Variants in RABEP1 observed in about 807,000 individuals in gnomAD.
RABEP1 encodes rab GTPase-binding effector protein 1.
A neutral mutation model predicts 123.4 loss-of-function variants in RABEP1; 51 were observed. The ratio of observed to expected loss-of-function variants is 0.41; its 90% CI spans 0.33 to 0.52. RABEP1 has a LOEUF of 0.52. RABEP1 is among the 20% of genes least tolerant of loss of function. The pLI is 0.16. For synonymous variants in RABEP1, 347 were observed against 355.2 expected, an observed-to-expected ratio of 0.98 and a Z score of 0.26; for missense variants, 888 against 996.3, an observed-to-expected ratio of 0.89 and a Z score of 1.46.
At chr17:5,312,247 C>T (rs1051833841) in intron 2 of RABEP1, among the ~76,000 whole-genome samples, 2 of 152,214 alleles carry the variant, frequency 1.3e-5, no homozygotes, top group Non-Finnish European at 2.9e-5. Flanking sequence ...CCCCACGGTT[C>T]AAGTGATTCT....
At chr17:5,291,731 A>T (rs1235745207) in intron 1 of RABEP1, among the ~76,000 whole-genome samples, 3 of 152,064 alleles carry the variant, frequency 2.0e-5, no homozygotes, top group African/African-American at 7.2e-5. Context: ...ACATGGCGAA[A>T]TTCCGTTTCT....
At chr17:5,350,749 A>G (rs1209780537) in intron 7 of RABEP1, 120 bp downstream of exon 7, 9 of 1,083,390 alleles carry the variant, frequency 8.3e-6, no homozygotes, top group Non-Finnish European at 1.2e-5. Context: ...TAAAGGTGAT[A>G]TGTGCCACTT....
chr17:5,282,391 C>A lies in RABEP1; in HGVS notation c.-96C>A. On this transcript the variant is annotated 5_prime_UTR_variant, in exon 1 of 18. Transcript: ENST00000537505. ...GTTTCTCTCTGGGCGGCGGCGGCGG[C>A]GGCTCGGTTGACGCCTCCTCCGCCA... The A allele has an allele frequency of 9.9e-7, 1 of 1,005,314 alleles. No individual in the cohort carries two copies. The highest frequency in any genetic ancestry group is 1.7e-5 in the African/African-American group (1 of 59,014). The allele number at this position is 1,005,314 out of a possible 1,614,324, so 62.3% of individuals were successfully genotyped here. A position where few individuals can be genotyped will look rare whatever the true frequency, so the allele number is the denominator to read the frequency against.
At chr17:5,288,914 C>T (rs190986268) in intron 1 of RABEP1, among the ~76,000 whole-genome samples, 9 of 152,040 alleles carry the variant, frequency 5.9e-5, no homozygotes, top group Non-Finnish European at 1.2e-4. Flanking sequence ...CCATGTTGGC[C>T]GGGCTGGTCT....
At chr17:5,377,350 A>C (rs1448330276) in intron 14 of RABEP1, 45 bp downstream of exon 14, 11 of 1,478,382 alleles carry the variant, frequency 7.4e-6, no homozygotes, top group Non-Finnish European at 1.0e-5. Context: ...TCACTAAATA[A>C]AACTTTAGTA....
intron 2 of RABEP1, among the ~76,000 whole-genome samples, chr17:5,310,379 A>G (rs1447612157): frequency 7.1e-6 from 1 of 140,550 alleles, no homozygotes; most frequent in East Asian, 2.1e-4. Context: ...CAGTGGCACT[A>G]TCTCAGCTCA....
chr17:5,302,591 C>CT (rs546960637), intron 1 of RABEP1, among the ~76,000 whole-genome samples: 6,864 of 123,364 alleles, frequency 0.056, 358 homozygotes, highest in African/African-American at 0.095. Flanking sequence ...ATTTTTTAGA[C>CT]TTTTTTTTTT....
chr17:5,285,023 A>G lies in RABEP1; in HGVS notation c.34+2503A>G, dbSNP rs375857062. Among the ~76,000 whole-genome samples the G allele has an allele frequency of 1.0e-3, 152 of 152,206 alleles. 6 individuals are homozygous for G. The South Asian group carries it at 0.031, about 31-fold the overall frequency. On this transcript the variant is annotated intron_variant, in intron 1 of 17. Transcript: ENST00000537505. Reference sequence around the variant, plus strand: ...GTTTTTCATGGCCATATGGTAGATTAGGAAAATCGATTTGTGTGTAAATCG... The same window carrying G: ...GTTTTTCATGGCCATATGGTAGATTGGGAAAATCGATTTGTGTGTAAATCG...
chr17:5,330,958 A>G (rs555797460), intron 2 of RABEP1, among the ~76,000 whole-genome samples: 2 of 141,514 alleles, frequency 1.4e-5, no homozygotes, highest in Admixed American at 7.2e-5. Context: ...CAGGAATTTG[A>G]GGTTATAGTG....
At chr17:5,331,043 TTTTTTTTTTTTTA>T (rs1423620719) in intron 2 of RABEP1, among the ~76,000 whole-genome samples, 2,588 of 123,434 alleles carry the variant, frequency 0.021, 90 homozygotes, top group African/African-American at 0.08. Flanking sequence ...TTTTTTTTTT[TTTTTTTTTTTTTA>T]AAGAAACACA....
At chr17:5,329,359 G>A (rs1030902034) in intron 2 of RABEP1, among the ~76,000 whole-genome samples, 25 of 151,978 alleles carry the variant, frequency 1.6e-4, no homozygotes, top group Non-Finnish European at 2.5e-4. Flanking sequence ...GCGAAACCCC[G>A]TCTCTACTAA....
Position 5,346,773 on chromosome 17 carries a change from A to AT in RABEP1, c.649-15dup. 6.6e-7 allele frequency: 1 copy of AT among 1,506,656 alleles called. No homozygotes were observed. Among genetic ancestry groups the AT allele is most frequent in the South Asian group, 1.4e-5 (1 of 71,718 alleles). The allele number at this position is 1,506,656 out of a possible 1,614,324, so 93.3% of individuals were successfully genotyped here. A position where few individuals can be genotyped will look rare whatever the true frequency, so the allele number is the denominator to read the frequency against. ...CTGTTGTAAATTTCAGTTTAATGGA[A>AT]TTGCATCTTCTTTCAGGTTAAAGAA... On this transcript the variant is annotated splice_polypyrimidine_tract_variant and intron_variant, in intron 5 of 17. Coordinates refer to ENST00000537505, the MANE Select transcript of RABEP1 (RefSeq NM_004703.6).
At chr17:5,315,195 G>C (rs1319342415) in intron 2 of RABEP1, among the ~76,000 whole-genome samples, 1 of 152,210 alleles carries the variant, frequency 6.6e-6, no homozygotes, top group African/African-American at 2.4e-5. Context: ...CTTGCACTTA[G>C]ATAGGGAAAT....
chr17:5,336,836 T>A, intron 4 of RABEP1: 1 of 170,446 alleles, frequency 5.9e-6, no homozygotes, highest in African/African-American at 2.4e-5. Flanking sequence ...GATGGCTTTG[T>A]GTAAGGACCT....
chr17:5,283,451 T>G (rs2074948285), intron 1 of RABEP1, among the ~76,000 whole-genome samples: 1 of 152,200 alleles, frequency 6.6e-6, no homozygotes, highest in Non-Finnish European at 1.5e-5. Context: ...ACAGATTGAC[T>G]ACATGGTTCC....
rs532877448 is a variant in RABEP1 at position 5,303,746 on chromosome 17, A to C, written c.35-4948A>C. 2.0e-5 allele frequency among the ~76,000 whole-genome samples: 3 copies of C among 152,286 alleles called. No individual in the cohort carries two copies. The East Asian group carries it at 5.8e-4, about 29-fold the overall frequency. Reference sequence around the variant, plus strand: ...CTTATGTCTTTATCAAATTTAGTGTAAAGATGCCAGGTGTGGTGGCTCACA... The same window carrying C: ...CTTATGTCTTTATCAAATTTAGTGTCAAGATGCCAGGTGTGGTGGCTCACA... On this transcript the variant is annotated intron_variant, in intron 1 of 17. Transcript: ENST00000537505.
intron 1 of RABEP1, among the ~76,000 whole-genome samples, chr17:5,290,670 G>T (rs1251480912): frequency 6.6e-6 from 1 of 152,026 alleles, no homozygotes; most frequent in East Asian, 1.9e-4. Context: ...TTAGCTGACT[G>T]CAACCTTGGC....
intron 2 of RABEP1, among the ~76,000 whole-genome samples, chr17:5,323,752 A>ATATCTAGGAATATATATATATATT (rs1462488799): frequency 8.0e-6 from 1 of 124,976 alleles, no homozygotes; most frequent in African/African-American, 3.0e-5. Flanking sequence ...ATATATATAT[A>ATATCTAGGAATATATATATATATT]TCTAGGAATA....
chr17:5,363,368 C>T lies in RABEP1; in HGVS notation c.1668+352C>T, dbSNP rs1204574256. 2.6e-5 allele frequency among the ~76,000 whole-genome samples: 4 copies of T among 151,856 alleles called. No homozygotes were observed. In the East Asian group the frequency reaches 5.8e-4, roughly 22 times the overall value. ...CCGAGTAGCTGGGATTACAGGGACA[C>T]GCCACCACCCCCAGCTATTTTTTGT... On this transcript the variant is annotated intron_variant, in intron 10 of 17. Coordinates refer to ENST00000537505, the MANE Select transcript of RABEP1 (RefSeq NM_004703.6).
Sources: allele counts gnomAD v4.1 joint callset (sites outside exome capture counted in the v4.1 genomes callset), GRCh38; gene constraint gnomAD v4.1.1; transcripts MANE v1.5; gene names NCBI Gene and HGNC (gene_info 2026-07-23, HGNC 2026-07-21).